TENM3: variants seen among roughly 807,000 people sequenced by gnomAD.
TENM3 encodes the protein teneurin transmembrane protein 3.
Under a neutral mutation model 255.1 loss-of-function variants are expected in TENM3, and 63 were observed. The ratio of observed to expected loss-of-function variants is 0.25; its 90% CI spans 0.20 to 0.30. The LOEUF (loss-of-function observed/expected upper bound fraction) is 0.30, where lower values mean the gene tolerates loss of function less well. TENM3 is among the 10% of genes least tolerant of loss of function. The pLI, the probability that TENM3 is intolerant of heterozygous loss-of-function variation, is 1.00. For missense variants in TENM3, 2,929 were observed against 3,461.1 expected (o/e 0.85, Z 3.86); for synonymous variants, 1,306 against 1,322.3 (o/e 0.99, Z 0.27).
chr4:181,636,831 T>C, the TENM3 span, among the ~76,000 whole-genome samples: 4 of 152,198 alleles, frequency 2.6e-5, no homozygotes, highest in East Asian at 7.7e-4. Context: ...TTAGAGCCCC[T>C]GATGGCTTCC....
the TENM3 span, among the ~76,000 whole-genome samples, chr4:181,575,385 C>T: frequency 4.6e-4 from 70 of 152,036 alleles, 1 homozygote; most frequent in African/African-American, 1.4e-3. Flanking sequence ...TTTTACAATT[C>T]GATGGTAATG....
chr4:182,349,869 G>T, intron 3 of TENM3: 1 of 366,466 alleles, frequency 2.7e-6, no homozygotes. Flanking sequence ...AAGTTCTATT[G>T]TATCACTAAA....
intron 3 of TENM3, among the ~76,000 whole-genome samples, chr4:182,559,127 ATTTTTT>A (rs70956518): frequency 2.4e-4 from 26 of 107,478 alleles, no homozygotes; most frequent in Middle Eastern, 5.3e-3. Flanking sequence ...ATTCCTCGGG[ATTTTTT>A]TTTTTTTTTT....
chr4:182,298,420 T>C (rs1313951663), intron 1 of TENM3, among the ~76,000 whole-genome samples: 3 of 152,172 alleles, frequency 2.0e-5, no homozygotes, highest in Admixed American at 1.3e-4. Context: ...GTTGAACTGT[T>C]AGTCTGGATG....
chr4:181,921,648 G>T, the TENM3 span, among the ~76,000 whole-genome samples: 1 of 152,144 alleles, frequency 6.6e-6, no homozygotes, highest in Admixed American at 6.5e-5. Context: ...AGACAATGGG[G>T]TTTTCTAGAT....
chr4:182,779,613 A>G (rs1765000822), intron 24 of TENM3, among the ~76,000 whole-genome samples: 1 of 152,196 alleles, frequency 6.6e-6, no homozygotes, highest in Admixed American at 6.5e-5. Context: ...TTCCAGTTCT[A>G]GAACCCTGAG....
At chr4:182,199,720 C>CTT (rs367906246) in intron 1 of TENM3, among the ~76,000 whole-genome samples, 15,144 of 104,222 alleles carry the variant, frequency 0.15, 1,684 homozygotes, top group East Asian at 0.36. Context: ...AACATCATTG[C>CTT]TTTTTTTTTT....
the TENM3 span, among the ~76,000 whole-genome samples, chr4:181,691,938 TC>T: frequency 6.6e-6 from 1 of 152,222 alleles, no homozygotes; most frequent in African/African-American, 2.4e-5. Flanking sequence ...CTAGTCTTTT[TC>T]ATTGTTTTCA....
At chr4:182,082,324 T>G in the TENM3 span, among the ~76,000 whole-genome samples, 1 of 152,072 alleles carries the variant, frequency 6.6e-6, no homozygotes, top group Non-Finnish European at 1.5e-5. Context: ...CATGACTCCA[T>G]CCTCATGACC....
intron 6 of TENM3, among the ~76,000 whole-genome samples, chr4:182,658,754 T>A (rs1191637491): frequency 6.6e-6 from 1 of 152,214 alleles, no homozygotes; most frequent in Admixed American, 6.5e-5. Flanking sequence ...CTTTCAGATG[T>A]TAACCAAGGT....
the TENM3 span, among the ~76,000 whole-genome samples, chr4:181,688,293 G>A: frequency 3.3e-5 from 5 of 152,054 alleles, no homozygotes; most frequent in Non-Finnish European, 5.9e-5. Context: ...AAGTTTCTTT[G>A]CCTAAGTCTA....
At chr4:182,730,155 C>A in intron 14 of TENM3, 45 bp from the exon 15 acceptor site, 1 of 1,610,704 alleles carries the variant, frequency 6.2e-7, no homozygotes, top group South Asian at 1.1e-5. Context: ...TAATGTTGGC[C>A]TGAAAAGACA....
intron 22 of TENM3, among the ~76,000 whole-genome samples, chr4:182,764,581 AAG>A (rs1043185501): frequency 2.0e-5 from 3 of 152,186 alleles, no homozygotes; most frequent in African/African-American, 4.8e-5. Context: ...GGCTACCCAG[AAG>A]AGAGAGAAAG....
At chr4:181,569,982 G>C in the TENM3 span, among the ~76,000 whole-genome samples, 1 of 151,308 alleles carries the variant, frequency 6.6e-6, no homozygotes, top group Non-Finnish European at 1.5e-5. Flanking sequence ...AGGTAAAAGA[G>C]AGTTCAAGAC....
At chr4:181,832,300 A>G in the TENM3 span, among the ~76,000 whole-genome samples, 1 of 152,136 alleles carries the variant, frequency 6.6e-6, no homozygotes, top group Non-Finnish European at 1.5e-5. Context: ...AATGTGGCCA[A>G]TTTTTTTAAA....
intron 4 of TENM3, among the ~76,000 whole-genome samples, chr4:182,625,479 C>G (rs1218060597): frequency 6.6e-6 from 1 of 152,172 alleles, no homozygotes; most frequent in Non-Finnish European, 1.5e-5. Context: ...CCGAAACCAT[C>G]CTCCCCACCC....
chr4:181,570,579 GAGAAA>G, the TENM3 span, among the ~76,000 whole-genome samples: 1 of 139,946 alleles, frequency 7.1e-6, no homozygotes, highest in Non-Finnish European at 1.6e-5. Flanking sequence ...AAGGAAAAGA[GAGAAA>G]AAGAAAGAAA....
At chr4:182,473,478 G>C (rs141155666) in intron 3 of TENM3, among the ~76,000 whole-genome samples, 5,302 of 152,156 alleles carry the variant, frequency 0.035, 212 homozygotes, top group African/African-American at 0.09. Context: ...TCGAGACCAT[G>C]CTGGCTAACA....
chr4:182,556,032 T>C (rs1742551930), intron 3 of TENM3, among the ~76,000 whole-genome samples: 1 of 152,170 alleles, frequency 6.6e-6, no homozygotes, highest in African/African-American at 2.4e-5. Flanking sequence ...TGACCAAATA[T>C]GCCACCAACT....
Sources: gnomAD v4.1 joint callset for allele counts (sites outside exome capture counted in the v4.1 genomes callset) on GRCh38, gnomAD v4.1.1 for gene constraint, MANE v1.5 for transcripts, NCBI Gene and HGNC (gene_info 2026-07-23, HGNC 2026-07-21) for gene names.